Variants in PIEZO2 observed in about 807,000 individuals in gnomAD.
PIEZO2 encodes the protein piezo type mechanosensitive ion channel component 2, also known as piezo-type mechanosensitive ion channel component 2.
Under a neutral mutation model 337.3 loss-of-function variants are expected in PIEZO2, and 172 were observed. The observed-to-expected ratio is 0.51, with a 90% confidence interval of 0.45 to 0.58. PIEZO2 has a LOEUF of 0.58. Among genes scored for constraint, PIEZO2 ranks in the 20% least tolerant of loss-of-function variants. PIEZO2 has a pLI of 0.00. For missense variants in PIEZO2, 3,028 were observed against 3,391.3 expected (o/e 0.89, Z 2.66); for synonymous variants, 1,251 against 1,228.5 (o/e 1.02, Z -0.38).
chr18:10,752,027 C>T (rs915030525), intron 28 of PIEZO2, among the ~76,000 whole-genome samples: 1 of 152,134 alleles, frequency 6.6e-6, no homozygotes, highest in Non-Finnish European at 1.5e-5. Context: ...CTCAACCGTA[C>T]ATTGCTCTAG....
intron 27 of PIEZO2, among the ~76,000 whole-genome samples, chr18:10,757,278 G>C (rs1201529434): frequency 1.3e-5 from 2 of 149,302 alleles, no homozygotes; most frequent in African/African-American, 4.9e-5. Flanking sequence ...AGGGATGGAG[G>C]ATGGATGAGG....
At chr18:11,090,784 C>T (rs1159489664) in intron 1 of PIEZO2, among the ~76,000 whole-genome samples, 8 of 151,760 alleles carry the variant, frequency 5.3e-5, no homozygotes, top group Non-Finnish European at 4.4e-5. Flanking sequence ...TGGTGGCGGG[C>T]GCCTGTAGTC....
At chr18:10,771,418 A>G (rs1187445991) in intron 20 of PIEZO2, among the ~76,000 whole-genome samples, 6 of 152,254 alleles carry the variant, frequency 3.9e-5, no homozygotes, top group Non-Finnish European at 5.9e-5. Flanking sequence ...TAGAAGGACT[A>G]TGCTGGCTCA....
intron 2 of PIEZO2, among the ~76,000 whole-genome samples, chr18:11,023,070 C>G (rs1340981578): frequency 6.6e-6 from 1 of 151,992 alleles, no homozygotes; most frequent in Non-Finnish European, 1.5e-5. Flanking sequence ...GACCCTTCGC[C>G]GTGAGTGTTA....
intron 1 of PIEZO2, among the ~76,000 whole-genome samples, chr18:11,133,307 T>C (rs1173155095): frequency 1.3e-5 from 2 of 152,160 alleles, no homozygotes; most frequent in Non-Finnish European, 1.5e-5. Flanking sequence ...CAAGGGATAG[T>C]TGTGTTATGG....
chr18:11,043,974 G>A (rs1028537215), intron 2 of PIEZO2, among the ~76,000 whole-genome samples: 1 of 151,820 alleles, frequency 6.6e-6, no homozygotes, highest in African/African-American at 2.4e-5. Context: ...TGTCTGGCTG[G>A]TATTTTTAAA....
rs1030132001 is a variant in PIEZO2 at position 11,132,339 on chromosome 18, G to A, written c.64+16186C>T. ...GGCTCATGCTCATGGAATCCAATGT[G>A]CTCTTACTATATTCCCCATCATTCT... On this transcript the variant is annotated intron_variant, in intron 1 of 55. Transcript: ENST00000674853. The surrounding 1 kb of genome is among the most constrained non-coding windows in gnomAD (Gnocchi z 4.7). 2.0e-5 allele frequency among the ~76,000 whole-genome samples: 3 copies of A among 152,120 alleles called. No homozygotes were observed. Among genetic ancestry groups the A allele is most frequent in the Admixed American group, 6.5e-5 (1 of 15,272 alleles).
intron 3 of PIEZO2, among the ~76,000 whole-genome samples, chr18:10,978,381 A>G (rs545787614): frequency 6.6e-6 from 1 of 152,144 alleles, no homozygotes; most frequent in East Asian, 1.9e-4. Flanking sequence ...GCTGAACTGT[A>G]TATTTTAAAT....
chr18:10,897,710 T>G (rs1598648542), intron 4 of PIEZO2, among the ~76,000 whole-genome samples: 1 of 152,320 alleles, frequency 6.6e-6, no homozygotes. Flanking sequence ...TTTAAACACT[T>G]TTAAGTGCAC....
intron 2 of PIEZO2, among the ~76,000 whole-genome samples, chr18:11,011,645 T>C (rs1363026719): frequency 1.3e-5 from 2 of 152,210 alleles, no homozygotes; most frequent in Non-Finnish European, 2.9e-5. Context: ...TATTTTTCTA[T>C]CATATTCATT....
intron 42 of PIEZO2, 56 bp from the exon 43 acceptor site, chr18:10,702,227 C>CTGTATATGG (rs1400594422): frequency 7.5e-6 from 11 of 1,459,610 alleles, no homozygotes; most frequent in Non-Finnish European, 1.0e-5. Flanking sequence ...ATAGATATAC[C>CTGTATATGG]TGTATATGGG....
chr18:10,927,038 C>A (rs961115865), intron 3 of PIEZO2, among the ~76,000 whole-genome samples: 10 of 152,168 alleles, frequency 6.6e-5, no homozygotes, highest in Admixed American at 5.2e-4. Flanking sequence ...TTAGTGGCCA[C>A]AAGGACCAAG....
In PIEZO2 at chr18:10,719,014, TA is replaced by T. The variant is rs1367825156; in HGVS notation, c.5030-756del. 1.5e-3 allele frequency among the ~76,000 whole-genome samples: 229 copies of T among 151,206 alleles called. 1 individual carries two copies. The highest frequency in any genetic ancestry group is 5.1e-3 in the African/African-American group (210 of 41,278). On this transcript the variant is annotated intron_variant, in intron 36 of 55. Coordinates refer to ENST00000674853, the MANE Select transcript of PIEZO2 (RefSeq NM_001378183.1). Reference sequence around the variant, plus strand: ...ATAAATAAATAAATAAATAAATAAATAAATAAATAAATTTGCTATGAGGTTC... The same window carrying T: ...ATAAATAAATAAATAAATAAATAAATAATAAATAAATTTGCTATGAGGTTC...
At chr18:10,736,862 G>T (rs1415235382) in intron 33 of PIEZO2, among the ~76,000 whole-genome samples, 152 bp from the exon 34 acceptor site, 1 of 152,194 alleles carries the variant, frequency 6.6e-6, no homozygotes, top group East Asian at 1.9e-4. Flanking sequence ...AAGATGAAGA[G>T]AACTCATCTT....
chr18:10,960,953 C>T (rs1211038656), intron 3 of PIEZO2, among the ~76,000 whole-genome samples: 4 of 151,718 alleles, frequency 2.6e-5, no homozygotes, highest in Admixed American at 6.6e-5. Flanking sequence ...CTGAGGCGGG[C>T]GGATCATGAG....
intron 47 of PIEZO2, among the ~76,000 whole-genome samples, chr18:10,695,221 G>A (rs2035029455): frequency 6.6e-6 from 1 of 152,232 alleles, no homozygotes; most frequent in Non-Finnish European, 1.5e-5. Flanking sequence ...GAGGCGTGAG[G>A]TGGGAGACAG....
chr18:10,778,908 C>G (rs979895742), intron 18 of PIEZO2, among the ~76,000 whole-genome samples: 8 of 152,178 alleles, frequency 5.3e-5, no homozygotes, highest in Admixed American at 1.3e-4. Context: ...TGGGTCTCAG[C>G]TTTCTCTTTA....
intron 2 of PIEZO2, among the ~76,000 whole-genome samples, chr18:11,012,570 A>G (rs1568293984): frequency 6.6e-6 from 1 of 152,252 alleles, no homozygotes; most frequent in Non-Finnish European, 1.5e-5. Flanking sequence ...GCACCAGCTC[A>G]GGTGCTGATT....
intron 3 of PIEZO2, among the ~76,000 whole-genome samples, chr18:10,920,182 C>T (rs909693762): frequency 7.2e-5 from 11 of 152,240 alleles, no homozygotes; most frequent in African/African-American, 2.6e-4. Context: ...TTATCAATAT[C>T]ATGATCACCC....
Sources: gnomAD v4.1 joint callset for allele counts (sites outside exome capture counted in the v4.1 genomes callset) on GRCh38, gnomAD v4.1.1 for gene constraint, Gnocchi (gnomAD v3.1) non-coding constraint, MANE v1.5 for transcripts, NCBI Gene and HGNC (gene_info 2026-07-23, HGNC 2026-07-21) for gene names.